The following MIOS variants were observed in gnomAD, a reference collection of about 807,000 sequenced individuals.
MIOS encodes GATOR2 complex protein MIOS.
MIOS carries 52 observed loss-of-function variants against 96.9 expected under a neutral mutation model. The ratio of observed to expected loss-of-function variants is 0.54; its 90% CI spans 0.43 to 0.68. The LOEUF (loss-of-function observed/expected upper bound fraction) is 0.68. MIOS is among the 30% of genes least tolerant of loss of function. MIOS has a pLI of 0.00. For synonymous variants in MIOS, 397 were observed against 359.5 expected (o/e 1.10, Z -1.18); for missense variants, 1,005 against 1,052.8 (o/e 0.95, Z 0.63).
chr7:7,594,235 C>T lies in MIOS; in HGVS notation c.2044-745C>T, dbSNP rs144155182. On this transcript the variant is annotated intron_variant, in intron 9 of 12. Transcript: ENST00000340080. ...ATATAAAAGCAGCATCTCAGTTCAC[C>T]GTGCATTGCTAGATAGGAAGGACCA... Among the ~76,000 whole-genome samples the T allele has an allele frequency of 2.7e-3, 408 of 151,738 alleles. 1 individual carries two copies. Among genetic ancestry groups the T allele is most frequent in the African/African-American group, 9.5e-3 (393 of 41,396 alleles).
At position 7,605,081 on chromosome 7, in the gene MIOS, T is replaced by G. The variant is rs184866088; in HGVS notation, c.2402-861T>G. On this transcript the variant is annotated intron_variant, in intron 11 of 12. Transcript: ENST00000340080. ...ATTCCCGACTGCAAGATTATCCTTT[T>G]GGTCATGAAAGCGTGACCTGCAATG... The G allele has an allele frequency of 1.4e-4, 21 of 152,330 alleles. No homozygotes were observed. The East Asian group carries it at 4.0e-3, about 29-fold the overall frequency. 9.4% of individuals were successfully genotyped at this position (152,330 alleles called of 1,614,324 possible).
Position 7,583,155 on chromosome 7 carries a change from G to C in MIOS, c.1431G>C (p.Leu477Phe). The change falls in exon 6 of 13, where the codon TTG (leucine) becomes TTC (phenylalanine). Residue 477 changes from leucine to phenylalanine, a missense_variant. Around this residue, in one of 3 missense-constraint regions of MIOS, gnomAD observed 865 missense variants for 887.9 expected, o/e 0.97. Transcript: ENST00000340080. ...VESSRHNWSG[L>F]DKQSDIQNLN... ...GCAGCAGACATAATTGGAGTGGGTT[G>C]GATAAGCAAAGTGATATTCAAAATT... is the stretch of plus-strand genomic sequence containing the variant. 1.9e-6 allele frequency: 3 copies of C among 1,614,000 alleles called. No individual in the cohort carries two copies. Among genetic ancestry groups the C allele is most frequent in the Non-Finnish European group, 2.5e-6 (3 of 1,179,906 alleles).
Position 7,595,012 on chromosome 7 carries a change from G to T in MIOS, c.2076G>T (p.Arg692Ser). 1 of 1,608,918 alleles carries T rather than the reference G, an allele frequency of 6.2e-7. No homozygotes were observed. Among genetic ancestry groups the T allele is most frequent in the Non-Finnish European group, 8.5e-7 (1 of 1,178,286 alleles). Residue 692 changes from arginine to serine, a missense_variant, in exon 10 of 13, where the codon AGG becomes AGT. By Grantham distance (110) the Arg-to-Ser change is moderately radical (BLOSUM62 -1). Around this residue, in one of 3 missense-constraint regions of MIOS, gnomAD observed 865 missense variants for 887.9 expected, o/e 0.97. Coordinates refer to ENST00000340080, the MANE Select transcript of MIOS (RefSeq NM_019005.4). ...CTTTAGATGTTCTTAAAGATGAAAGGGTTCAGTACTGGATTGAGAATTATA... is the reference window on the plus strand; with the variant it reads ...CTTTAGATGTTCTTAAAGATGAAAGTGTTCAGTACTGGATTGAGAATTATA... The part of the protein sequence containing the change: ...GSPLDVLKDE[R>S]VQYWIENYRN...
At chr7:7,574,724 A>C (rs1294753155) in intron 5 of MIOS, among the ~76,000 whole-genome samples, 1 of 152,082 alleles carries the variant, frequency 6.6e-6, no homozygotes, top group Non-Finnish European at 1.5e-5. Flanking sequence ...CGTGTGAGTT[A>C]ATGTAGGATT....
chr7:7,594,278 G>C (rs1169573829), intron 9 of MIOS, among the ~76,000 whole-genome samples: 1 of 151,348 alleles, frequency 6.6e-6, no homozygotes. Context: ...TGTTAGTTCA[G>C]ATGTGACTGA....
chr7:7,601,265 CAATG>C (rs1464853064), intron 11 of MIOS, among the ~76,000 whole-genome samples: 2 of 150,328 alleles, frequency 1.3e-5, no homozygotes, highest in South Asian at 2.1e-4. Context: ...TTCAAAAAAT[CAATG>C]AATCCAGGAG....
rs187326596 is a variant in MIOS at position 7,595,559 on chromosome 7, G to C, written c.2196+427G>C. Among the ~76,000 whole-genome samples the C allele has an allele frequency of 1.2e-4, 18 of 152,228 alleles. No homozygotes were observed. In the East Asian group the frequency reaches 3.1e-3, roughly 26 times the overall value. On this transcript the variant is annotated intron_variant, in intron 10 of 12. Transcript: ENST00000340080. ...TTTTTTTAGCATTAGTTTAAAAAATGAGATTGTTGTCACATAAGGTATACC... is the reference window on the plus strand; with the variant it reads ...TTTTTTTAGCATTAGTTTAAAAAATCAGATTGTTGTCACATAAGGTATACC...
At position 7,607,938 on chromosome 7, in the gene MIOS, A is replaced by C. The variant is rs1472716441; in HGVS notation, c.*846A>C. On this transcript the variant is annotated 3_prime_UTR_variant, in exon 13 of 13. Transcript: ENST00000340080. Reference sequence around the variant, plus strand: ...TATCCTCATCACCTGAGAACATTTTACTGCATACAAAGTCTATGCAAGATT... The same window carrying C: ...TATCCTCATCACCTGAGAACATTTTCCTGCATACAAAGTCTATGCAAGATT... 6.6e-6 allele frequency: 1 copy of C among 152,152 alleles called. No homozygotes were observed. The highest frequency in any genetic ancestry group is 1.5e-5 in the Non-Finnish European group (1 of 68,020). The allele number at this position is 152,152 out of a possible 1,614,324, so 9.4% of individuals were successfully genotyped here.
At chr7:7,569,881 A>G (rs1490205329) in intron 3 of MIOS, among the ~76,000 whole-genome samples, 1 of 152,200 alleles carries the variant, frequency 6.6e-6, no homozygotes, top group Non-Finnish European at 1.5e-5. Context: ...GGAGGAGGGT[A>G]TATACTCTAG....
intron 9 of MIOS, among the ~76,000 whole-genome samples, chr7:7,592,285 G>C (rs1375512818): frequency 6.6e-6 from 1 of 152,186 alleles, no homozygotes; most frequent in African/African-American, 2.4e-5. Flanking sequence ...CGCTGTGCCT[G>C]GCCCAGATTT....
chr7:7,607,289 A>G lies in MIOS; in HGVS notation c.*197A>G, dbSNP rs1269707960. 6 of 479,148 alleles carry G rather than the reference A, an allele frequency of 1.3e-5. No individual in the cohort carries two copies. Among genetic ancestry groups the G allele is most frequent in the Admixed American group, 4.1e-5 (1 of 24,572 alleles). 29.7% of individuals were successfully genotyped at this position (479,148 alleles called of 1,614,324 possible). On this transcript the variant is annotated 3_prime_UTR_variant, in exon 13 of 13. Transcript: ENST00000340080. ...AGAGACAAATGCTGCCAAAATAAAC[A>G]TCGAAGTATAGACATGAGTTCTGTT...
chr7:7,576,480 A>C (rs1274590588), intron 5 of MIOS, among the ~76,000 whole-genome samples: 2 of 152,216 alleles, frequency 1.3e-5, no homozygotes, highest in African/African-American at 4.8e-5. Context: ...CAGAGGAGGT[A>C]CAGTTAAAGA....
chr7:7,595,770 T>A (rs935044449), intron 10 of MIOS, among the ~76,000 whole-genome samples: 5 of 152,232 alleles, frequency 3.3e-5, no homozygotes, highest in African/African-American at 1.2e-4. Context: ...ATTAAGAGCC[T>A]AGCAATTTAC....
rs553331368 is a variant in MIOS at position 7,589,621 on chromosome 7, C to T, written c.2043+58C>T. On this transcript the variant is annotated intron_variant, in intron 9 of 12. Coordinates refer to ENST00000340080, the MANE Select transcript of MIOS (RefSeq NM_019005.4). ...GTAACAATATTCTATATTTTCTTTC[C>T]TCAGTTGAAAGTAAATATGCACTTT... 5.2e-6 allele frequency: 8 copies of T among 1,532,914 alleles called. No individual in the cohort carries two copies. The Admixed American group carries it at 1.2e-4, about 22-fold the overall frequency. 95.0% of individuals were successfully genotyped at this position (1,532,914 alleles called of 1,614,324 possible). A position where few individuals can be genotyped will look rare whatever the true frequency, so the allele number is the denominator to read the frequency against.
Position 7,605,961 on chromosome 7 carries a change from A to G in MIOS, c.2421A>G (p.Glu807=). 4 of 1,613,758 alleles carry G rather than the reference A, an allele frequency of 2.5e-6. No homozygotes were observed. Among genetic ancestry groups the G allele is most frequent in the Non-Finnish European group, 3.4e-6 (4 of 1,179,746 alleles). Residue 807 remains glutamate (E), a synonymous_variant, in exon 12 of 13, where the codon GAA becomes GAG. Transcript: ENST00000340080. ...TCATAGGAGGAACCAAATCAGATGA[A>G]AAAGTGGACTTGAGCAAGGACAAAA... ...SSCPGGTKSD[E]KVDLSKDKKL...
chr7:7,568,028 C>G lies in MIOS; in HGVS notation c.-136C>G, dbSNP rs1198634112. The stretch of plus-strand genomic sequence containing the variant: ...CACACTGTATTTCTTTTGGACAGTG[C>G]TGTTGCAAATATTCTGGTGAATGAA... On this transcript the variant is annotated splice_region_variant and 5_prime_UTR_variant, in exon 3 of 13. Transcript: ENST00000340080. 1 of 152,192 alleles carries G rather than the reference C, an allele frequency of 6.6e-6. No individual in the cohort carries two copies. Among genetic ancestry groups the G allele is most frequent in the Non-Finnish European group, 1.5e-5 (1 of 68,028 alleles). 9.4% of individuals were successfully genotyped at this position (152,192 alleles called of 1,614,324 possible).
At chr7:7,595,507 CTA>C (rs1364597228) in intron 10 of MIOS, among the ~76,000 whole-genome samples, 1 of 152,084 alleles carries the variant, frequency 6.6e-6, no homozygotes, top group Non-Finnish European at 1.5e-5. Flanking sequence ...TTACCTATAT[CTA>C]TATGTTTAAT....
rs1048791229 is a variant in MIOS at position 7,608,895 on chromosome 7, A to G, written c.*1803A>G. Reference sequence around the variant, plus strand: ...GGGTGACATTTTTAAGATTGTATGTATGTGTCAACCTCTTAAATGTTTTCT... The same window carrying G: ...GGGTGACATTTTTAAGATTGTATGTGTGTGTCAACCTCTTAAATGTTTTCT... On this transcript the variant is annotated 3_prime_UTR_variant, in exon 13 of 13. Transcript: ENST00000340080. 1 of 152,068 alleles carries G rather than the reference A, an allele frequency of 6.6e-6. No individual in the cohort carries two copies. The highest frequency in any genetic ancestry group is 2.1e-4 in the South Asian group (1 of 4,830). 9.4% of individuals were successfully genotyped at this position (152,068 alleles called of 1,614,324 possible).
chr7:7,604,263 C>T (rs1463260398), intron 11 of MIOS, among the ~76,000 whole-genome samples: 1 of 151,618 alleles, frequency 6.6e-6, no homozygotes. Flanking sequence ...AGTATCTAAA[C>T]CTCCCTGGTG....
Sources: gnomAD v4.1 joint callset for allele counts (sites outside exome capture counted in the v4.1 genomes callset) on GRCh38, gnomAD v4.1.1 for gene constraint, gnomAD v4.1.1 regional missense constraint, MANE v1.5 for transcripts, NCBI Gene and HGNC (gene_info 2026-07-23, HGNC 2026-07-21) for gene names.